LINS1: variants seen among roughly 807,000 people sequenced by gnomAD.
LINS1 encodes the protein lines homolog 1.
LINS1 carries 27 observed loss-of-function variants against 41.6 expected under a neutral mutation model. That is an observed-to-expected ratio of 0.65 (90% CI 0.48 to 0.89). LINS1 has a LOEUF of 0.89. Among genes scored for constraint, LINS1 ranks in the 40% least tolerant of loss-of-function variants. The pLI, the probability that LINS1 is intolerant of heterozygous loss-of-function variation, is 0.00. For missense variants in LINS1, 955 were observed against 884.1 expected (o/e 1.08, Z -1.02); for synonymous variants, 336 against 312.9 (o/e 1.07, Z -0.78).
chr15:100,571,468 C>T (rs911974558), intron 6 of LINS1, among the ~76,000 whole-genome samples: 1 of 152,156 alleles, frequency 6.6e-6, no homozygotes, highest in African/African-American at 2.4e-5. Flanking sequence ...AGCCCAAATT[C>T]GACTGAAACG....
intron 1 of LINS1, among the ~76,000 whole-genome samples, chr15:100,592,593 T>C (rs2039085675): frequency 6.6e-6 from 1 of 152,130 alleles, no homozygotes; most frequent in South Asian, 2.1e-4. Flanking sequence ...TTATTATAAA[T>C]AACAAAACAC....
intron 1 of LINS1, among the ~76,000 whole-genome samples, chr15:100,594,991 T>A (rs1033479565): frequency 6.6e-6 from 1 of 152,200 alleles, no homozygotes; most frequent in Non-Finnish European, 1.5e-5. Context: ...TTAAAGGCAC[T>A]GTGAATAAGG....
At chr15:100,579,396 AAC>A (rs1387940998) in intron 3 of LINS1, among the ~76,000 whole-genome samples, 37 of 46,124 alleles carry the variant, frequency 8.0e-4, no homozygotes, top group Admixed American at 3.1e-3. Flanking sequence ...TTATACCTTT[AAC>A]TTATTTTTTT....
intron 3 of LINS1, 139 bp downstream of exon 3, chr15:100,580,124 C>G: frequency 1.5e-6 from 1 of 684,760 alleles, no homozygotes; most frequent in Non-Finnish European, 2.6e-6. Context: ...CTTTGGGAGG[C>G]TGAGGCAGGA....
Position 100,569,953 on chromosome 15 carries a change from A to G in LINS1, c.1559T>C (p.Phe520Ser). 6.3e-7 allele frequency: 1 copy of G among 1,588,204 alleles called. No homozygotes were observed. Among genetic ancestry groups the G allele is most frequent in the Non-Finnish European group, 8.6e-7 (1 of 1,165,918 alleles). ...TAAATATCTAACAAAATATTCAAGA[A>G]AACAGGTTTCTGATGAAATCAAAAA... is the stretch of plus-strand genomic sequence containing the variant. Reference protein sequence around the residue: ...LDFLISSETCFLEYFVRYLKL... With the variant: ...LDFLISSETCSLEYFVRYLKL... The change falls in exon 7 of 7, where the codon TTT becomes TCT. Residue 520 changes from phenylalanine to serine, a missense_variant. Transcript: ENST00000314742.
rs2038082569 is a variant in LINS1, at chr15:100,575,070, T to C, written c.548A>G (p.Glu183Gly). ...FCQKNLSEYS[E>G]SNKAIYCLWT... Reference sequence around the variant, plus strand: ...GAGGCAGTATATTGCTTTATTACTCTCAGAGTATTCAGAAAGATTTTTCTG... The same window carrying C: ...GAGGCAGTATATTGCTTTATTACTCCCAGAGTATTCAGAAAGATTTTTCTG... The change falls in exon 4 of 7, where the codon GAG becomes GGG. Residue 183 changes from glutamate to glycine, a missense_variant. Glu to Gly is a moderately conservative substitution (Grantham distance 98). Transcript: ENST00000314742. 6.2e-7 allele frequency: 1 copy of C among 1,612,312 alleles called. No individual in the cohort carries two copies. Among genetic ancestry groups the C allele is most frequent in the African/African-American group, 1.3e-5 (1 of 75,024 alleles).
chr15:100,594,782 G>A (rs1596967605), intron 1 of LINS1, among the ~76,000 whole-genome samples: 3 of 152,234 alleles, frequency 2.0e-5, no homozygotes, highest in Admixed American at 2.0e-4. Flanking sequence ...ACCCCATCCT[G>A]TAGCCAAAAT....
intron 1 of LINS1, among the ~76,000 whole-genome samples, chr15:100,591,795 A>G (rs2039050514): frequency 1.3e-5 from 2 of 152,168 alleles, no homozygotes; most frequent in South Asian, 4.1e-4. Flanking sequence ...TCCACTAGAC[A>G]GAGAGGGGCG....
In LINS1 at chr15:100,580,861, T is replaced by C; in HGVS notation, c.-19A>G. 1 of 1,604,822 alleles carries C rather than the reference T, an allele frequency of 6.2e-7. No homozygotes were observed. Among genetic ancestry groups the C allele is most frequent in the Non-Finnish European group, 8.5e-7 (1 of 1,174,280 alleles). ...CTTTCATTTTGACTTCCAAAATGTA[T>C]CTTATAAGAAGGTCGACAACTCCAA... On this transcript the variant is annotated 5_prime_UTR_variant, in exon 2 of 7. Coordinates refer to ENST00000314742, the MANE Select transcript of LINS1 (RefSeq NM_001040616.3).
intron 1 of LINS1, among the ~76,000 whole-genome samples, chr15:100,596,375 A>G (rs1010106305): frequency 5.9e-5 from 9 of 151,908 alleles, no homozygotes; most frequent in African/African-American, 1.9e-4. Context: ...TAGTGAGAAT[A>G]CAAACTCTGT....
Position 100,569,827 on chromosome 15 carries a change from G to A in LINS1, c.1685C>T (p.Ser562Leu). The change falls in exon 7 of 7, where the codon TCA becomes TTA. Residue 562 changes from serine (S) to leucine (L), a missense_variant. Transcript: ENST00000314742. ...YDISICGCVP[S>L]LVQDQSSNQT... ...GTTGGAGCTTTGGTCTTGGACAAGT[G>A]AGGGGACACAGCCACAAATACTTAT... 6.2e-7 allele frequency: 1 copy of A among 1,614,184 alleles called. No homozygotes were observed. Among genetic ancestry groups the A allele is most frequent in the Non-Finnish European group, 8.5e-7 (1 of 1,180,020 alleles).
In LINS1 at chr15:100,570,060, T is replaced by A. The variant is rs2411836; in HGVS notation, c.1452A>T (p.Thr484=). The part of the protein sequence containing the change: ...TQGKEMWDHH[T]HENGYNPHCI... ...AGTGAGGATTATAGCCATTTTCATG[T>A]GTGTGATGGTCCCACATTTCTTTTC... is the stretch of plus-strand genomic sequence containing the variant. The change falls in exon 7 of 7, where the codon ACA becomes ACT. Residue 484 remains threonine (T), a synonymous_variant. Transcript: ENST00000314742. 0.44 allele frequency: 682,410 copies of A among 1,562,562 alleles called. 154,426 individuals carry two copies. The highest frequency in any genetic ancestry group is 0.47 in the Non-Finnish European group (549,306 of 1,161,796).
At chr15:100,585,213 A>G (rs553771567) in intron 1 of LINS1, among the ~76,000 whole-genome samples, 2 of 152,242 alleles carry the variant, frequency 1.3e-5, no homozygotes, top group Non-Finnish European at 2.9e-5. Flanking sequence ...ATTGGACTCC[A>G]AAGGGGAACA....
At position 100,580,506 on chromosome 15, in the gene LINS1, T is replaced by A. The variant is rs777942074; in HGVS notation, c.337A>T (p.Lys113Ter). 6.2e-7 allele frequency: 1 copy of A among 1,614,082 alleles called. No homozygotes were observed. Among genetic ancestry groups the A allele is most frequent in the South Asian group, 1.1e-5 (1 of 91,084 alleles). Residue 113 changes from lysine (K) to a stop codon, truncating the protein, a stop_gained, in exon 2 of 7, where the codon AAG becomes TAG. Transcript: ENST00000314742. LOFTEE classifies it high-confidence loss of function. ...ILSVKTEFHA[K>*]EQYRDVIKIL... Reference sequence around the variant, plus strand: ...TTAATTACATCTCTGTACTGCTCCTTTGCATGGAACTCGGTTTTGACAGAC... The same window carrying A: ...TTAATTACATCTCTGTACTGCTCCTATGCATGGAACTCGGTTTTGACAGAC...
chr15:100,596,913 A>C (rs2039272993), intron 1 of LINS1: 1 of 152,216 alleles, frequency 6.6e-6, no homozygotes, highest in Non-Finnish European at 1.5e-5. Context: ...CACGTACCTG[A>C]AGCTATGGCA....
In LINS1 at chr15:100,575,064, T is replaced by G; in HGVS notation, c.554A>C (p.Asn185Thr). 6.2e-7 allele frequency: 1 copy of G among 1,612,442 alleles called. No homozygotes were observed. The highest frequency in any genetic ancestry group is 2.2e-5 in the East Asian group (1 of 44,786). ...AGTCCAGAGGCAGTATATTGCTTTA[T>G]TACTCTCAGAGTATTCAGAAAGATT... ...QKNLSEYSES[N>T]KAIYCLWTLT... Residue 185 changes from asparagine (N) to threonine (T), a missense_variant, in exon 4 of 7, where the codon AAT becomes ACT. By Grantham distance (65) the Asn-to-Thr change is moderately conservative. Transcript: ENST00000314742.
At chr15:100,570,841 A>G (rs1466403180) in intron 6 of LINS1, among the ~76,000 whole-genome samples, 3 of 152,170 alleles carry the variant, frequency 2.0e-5, no homozygotes, top group African/African-American at 7.2e-5. Flanking sequence ...AATCTTAACA[A>G]ATACAACTAC....
At position 100,598,705 on chromosome 15, in the gene LINS1, G is replaced by A. The variant is rs191524026; in HGVS notation, c.-104+3416C>T. Among the ~76,000 whole-genome samples, 186 of 152,270 alleles carry A rather than the reference G, an allele frequency of 1.2e-3. 1 individual carries two copies. Among genetic ancestry groups the A allele is most frequent in the African/African-American group, 4.2e-3 (176 of 41,556 alleles). ...TACAATTTCTCTACCCAGCCCCATC[G>A]CCTTTTCTGCCAGGTACAGCTGAAC... On this transcript the variant is annotated intron_variant, in intron 1 of 6. Transcript: ENST00000314742.
chr15:100,596,906 G>C (rs770674544), intron 1 of LINS1: 14 of 152,190 alleles, frequency 9.2e-5, no homozygotes, highest in Non-Finnish European at 1.9e-4. Flanking sequence ...TCCCTGCCAC[G>C]TACCTGAAGC....
Sources: gnomAD v4.1 joint callset for allele counts (sites outside exome capture counted in the v4.1 genomes callset) on GRCh38, gnomAD v4.1.1 for gene constraint, MANE v1.5 for transcripts, NCBI Gene and HGNC (gene_info 2026-07-23, HGNC 2026-07-21) for gene names.